KCNIP4: variants seen among roughly 807,000 people sequenced by gnomAD.
KCNIP4 encodes Kv channel-interacting protein 4.
In KCNIP4, 12 loss-of-function variants were observed where a neutral mutation model predicts 34.0. The ratio of observed to expected loss-of-function variants is 0.35; its 90% confidence interval spans 0.23 to 0.57. The LOEUF (loss-of-function observed/expected upper bound fraction) is 0.57. KCNIP4 is among the 20% of genes least tolerant of loss of function. The pLI is 0.83. For missense variants in KCNIP4, 238 were observed against 311.7 expected, an observed-to-expected ratio of 0.76 and a Z score of 1.78; for synonymous variants, 124 against 102.2, an observed-to-expected ratio of 1.21 and a Z score of -1.29.
At chr4:21,300,438 C>T (rs1711547139) in intron 1 of KCNIP4, among the ~76,000 whole-genome samples, 1 of 152,108 alleles carries the variant, frequency 6.6e-6, no homozygotes, top group South Asian at 2.1e-4. Context: ...AAATCTGCTT[C>T]TCATTATTAT....
At chr4:20,942,081 T>C (rs542267303) in intron 1 of KCNIP4, among the ~76,000 whole-genome samples, 1 of 152,298 alleles carries the variant, frequency 6.6e-6, no homozygotes, top group African/African-American at 2.4e-5. Flanking sequence ...TGATGTCCAG[T>C]AGTAACAAAC....
At chr4:21,086,382 C>T (rs1011126382) in intron 1 of KCNIP4, among the ~76,000 whole-genome samples, 11 of 152,110 alleles carry the variant, frequency 7.2e-5, no homozygotes, top group African/African-American at 1.7e-4. Context: ...ATGACAGCCA[C>T]GGTGCCATTT....
At chr4:20,891,682 T>C (rs11933131) in intron 1 of KCNIP4, among the ~76,000 whole-genome samples, 3,537 of 152,254 alleles carry the variant, frequency 0.023, 117 homozygotes, top group African/African-American at 0.073. Context: ...TTTGAGTCAG[T>C]GACAAGCTGA....
chr4:20,733,269 G>A (rs1433734702), intron 6 of KCNIP4, among the ~76,000 whole-genome samples: 1 of 152,102 alleles, frequency 6.6e-6, no homozygotes, highest in Non-Finnish European at 1.5e-5. Flanking sequence ...TTTTCCTACT[G>A]TGGCTTTAAC....
In KCNIP4 at chr4:20,729,144, T is replaced by TAAAC. The variant is rs1747041075; in HGVS notation, c.*934_*937dup. ...GTCCCTGAATGGCTTGTAATATAAA[T>TAAAC]AAACATGCTGTAAGGAAGTCAGGGG... On this transcript the variant is annotated 3_prime_UTR_variant, in exon 9 of 9. Coordinates refer to ENST00000382152, the MANE Select transcript of KCNIP4 (RefSeq NM_025221.6). 2 of 152,530 alleles carry TAAAC rather than the reference T, an allele frequency of 1.3e-5. No homozygotes were observed. Among genetic ancestry groups the TAAAC allele is most frequent in the Non-Finnish European group, 2.9e-5 (2 of 68,028 alleles). The allele number at this position is 152,530 out of a possible 1,614,324, so 9.4% of individuals were successfully genotyped here. A position where few individuals can be genotyped will look rare whatever the true frequency, so the allele number is the denominator to read the frequency against.
chr4:20,734,428 A>G (rs1344933068), intron 6 of KCNIP4, among the ~76,000 whole-genome samples, 200 bp downstream of exon 6: 1 of 152,174 alleles, frequency 6.6e-6, no homozygotes, highest in Non-Finnish European at 1.5e-5. Context: ...TGTAATCTTT[A>G]TGTGTTATAT....
chr4:21,388,836 T>C (rs774405036), intron 1 of KCNIP4, among the ~76,000 whole-genome samples: 15 of 152,180 alleles, frequency 9.9e-5, no homozygotes, highest in Non-Finnish European at 1.9e-4. Flanking sequence ...AAATCATTTC[T>C]TTTTATTGCT....
chr4:21,276,361 CTTTTTTT>C (rs3080866), intron 1 of KCNIP4, among the ~76,000 whole-genome samples: 1 of 129,228 alleles, frequency 7.7e-6, no homozygotes, highest in Non-Finnish European at 1.6e-5. Flanking sequence ...GAGATTTTCT[CTTTTTTT>C]TTTTTTTTTT....
chr4:21,432,766 TA>T (rs1223240414), intron 1 of KCNIP4, among the ~76,000 whole-genome samples: 2 of 151,812 alleles, frequency 1.3e-5, no homozygotes, highest in African/African-American at 4.8e-5. Context: ...AGCAAACAAA[TA>T]AAAAACACCA....
intron 1 of KCNIP4, among the ~76,000 whole-genome samples, chr4:21,210,778 T>C (rs1757170283): frequency 6.6e-6 from 1 of 152,150 alleles, no homozygotes; most frequent in Admixed American, 6.5e-5. Context: ...TTCTTAATGT[T>C]TAATGAATAA....
intron 1 of KCNIP4, among the ~76,000 whole-genome samples, chr4:21,627,201 A>G (rs950975235): frequency 1.3e-5 from 2 of 152,254 alleles, no homozygotes; most frequent in African/African-American, 4.8e-5. Context: ...TGGCACACAC[A>G]TATGAATCTA....
intron 1 of KCNIP4, among the ~76,000 whole-genome samples, chr4:21,356,323 C>A (rs927645616): frequency 6.6e-6 from 1 of 152,052 alleles, no homozygotes; most frequent in Non-Finnish European, 1.5e-5. Flanking sequence ...GTGGCCAGGG[C>A]AATCAGGCAA....
intron 3 of KCNIP4, among the ~76,000 whole-genome samples, chr4:20,799,706 C>T (rs1393436278): frequency 6.6e-6 from 1 of 152,166 alleles, no homozygotes; most frequent in Admixed American, 6.5e-5. Flanking sequence ...TGTCATGTCC[C>T]ACCATCCCAG....
intron 1 of KCNIP4, among the ~76,000 whole-genome samples, chr4:21,243,658 A>C (rs1368111014): frequency 6.6e-6 from 1 of 152,156 alleles, no homozygotes; most frequent in East Asian, 1.9e-4. Flanking sequence ...AGTTGCATTA[A>C]ATGCTTTCCA....
At chr4:21,541,844 T>G (rs958589323) in intron 1 of KCNIP4, among the ~76,000 whole-genome samples, 3 of 152,030 alleles carry the variant, frequency 2.0e-5, no homozygotes, top group African/African-American at 7.2e-5. Flanking sequence ...AGTCTCCTTA[T>G]GTTGCTCAGG....
chr4:21,340,395 C>T (rs1716635010), intron 1 of KCNIP4, among the ~76,000 whole-genome samples: 1 of 152,068 alleles, frequency 6.6e-6, no homozygotes, highest in Non-Finnish European at 1.5e-5. Context: ...TCTTAGGAAA[C>T]TATTTGAAGC....
intron 1 of KCNIP4, among the ~76,000 whole-genome samples, chr4:21,239,929 G>T (rs1361341420): frequency 6.6e-6 from 1 of 152,074 alleles, no homozygotes; most frequent in Admixed American, 6.5e-5. Context: ...GCACATGTAT[G>T]TTTATTGCAG....
At chr4:21,483,789 C>CAAAAATAAAAAT (rs60570638) in intron 1 of KCNIP4, among the ~76,000 whole-genome samples, 1 of 145,740 alleles carries the variant, frequency 6.9e-6, no homozygotes, top group Non-Finnish European at 1.5e-5. Flanking sequence ...GACTCCATCT[C>CAAAAATAAAAAT]AAAAATAAAA....
chr4:21,600,602 A>G (rs1281876603), intron 1 of KCNIP4, among the ~76,000 whole-genome samples: 1 of 152,076 alleles, frequency 6.6e-6, no homozygotes, highest in African/African-American at 2.4e-5. Context: ...CTAACTGTGT[A>G]TACTTGTACC....
Sources: gnomAD v4.1 joint callset for allele counts (sites outside exome capture counted in the v4.1 genomes callset) on GRCh38, gnomAD v4.1.1 for gene constraint, MANE v1.5 for transcripts, NCBI Gene and HGNC (gene_info 2026-07-23, HGNC 2026-07-21) for gene names.